Variants in ADCY7 observed in about 807,000 individuals in gnomAD.
ADCY7 encodes adenylate cyclase type 7.
ADCY7 carries 72 observed loss-of-function variants against 120.6 expected under a neutral mutation model. That is an observed-to-expected ratio of 0.60 (90% confidence interval 0.49 to 0.73). The LOEUF (loss-of-function observed/expected upper bound fraction) is 0.73, where lower values mean the gene tolerates loss of function less well. Ranked by LOEUF, ADCY7 falls within the 30% of genes least tolerant of loss-of-function variation. The pLI is 0.00. For missense variants in ADCY7, 1,227 were observed against 1,486.0 expected, an observed-to-expected ratio of 0.83 and a Z score of 2.87; for synonymous variants, 661 against 628.0, an observed-to-expected ratio of 1.05 and a Z score of -0.78.
rs1483894697 is a variant in ADCY7 at position 50,297,301 on chromosome 16, C to A, written c.949-1603C>A. ...TACAAGTCACACCTCCGCACAAGACCCAGCTCCCCAACTCCAAGTGTCAGA... is the reference window on the plus strand; with the variant it reads ...TACAAGTCACACCTCCGCACAAGACACAGCTCCCCAACTCCAAGTGTCAGA... On this transcript the variant is annotated intron_variant, in intron 7 of 25. Transcript: ENST00000673801. This position sits in a 1 kb window ranked among gnomAD's most constrained non-coding sequence, Gnocchi z 4.4. Among the ~76,000 whole-genome samples the A allele has an allele frequency of 5.9e-5, 9 of 152,244 alleles. No homozygotes were observed. Among genetic ancestry groups the A allele is most frequent in the Admixed American group, 5.9e-4 (9 of 15,282 alleles).
chr16:50,263,611 G>A (rs911123241), upstream of ADCY7, among the ~76,000 whole-genome samples: 1 of 152,038 alleles, frequency 6.6e-6, no homozygotes, highest in African/African-American at 2.4e-5. Flanking sequence ...AAAGCCCAGG[G>A]CCCCATAAGC....
At position 50,304,513 on chromosome 16, in the gene ADCY7, A is replaced by C. The variant is rs536711873; in HGVS notation, c.1522A>C (p.Ser508Arg). 1 of 1,591,730 alleles carries C rather than the reference A, an allele frequency of 6.3e-7. No individual in the cohort carries two copies. The highest frequency in any genetic ancestry group is 2.2e-5 in the East Asian group (1 of 44,530). The change falls in exon 11 of 26, where the codon AGT (serine) becomes CGT (arginine). Residue 508 changes from serine to arginine, a missense_variant. Ser to Arg is a moderately radical substitution (Grantham distance 110). Transcript: ENST00000673801. ...AHLNHRESVS[S>R]GETHVPNGRR... ...TCTCAACCACCGTGAGAGCGTGAGCAGTGGTGAGACCCACGTCCCCAACGG... is the reference window on the plus strand; with the variant it reads ...TCTCAACCACCGTGAGAGCGTGAGCCGTGGTGAGACCCACGTCCCCAACGG...
chr16:50,314,423 G>C lies in ADCY7; in HGVS notation c.2971+17G>C, dbSNP rs547383256. 3 of 1,605,358 alleles carry C rather than the reference G, an allele frequency of 1.9e-6. No homozygotes were observed. The highest frequency in any genetic ancestry group is 2.6e-6 in the Non-Finnish European group (3 of 1,174,778). On this transcript the variant is annotated intron_variant, in intron 24 of 25. Coordinates refer to ENST00000673801, the MANE Select transcript of ADCY7 (RefSeq NM_001114.5). ...TCCGCGTCGGTGAGCCCGGGTGATGGAGCGGGGTGGGGAGCCCCTGCCTCT... is the reference window on the plus strand; with the variant it reads ...TCCGCGTCGGTGAGCCCGGGTGATGCAGCGGGGTGGGGAGCCCCTGCCTCT...
intron 5 of ADCY7, 57 bp from the exon 6 acceptor site, chr16:50,293,297 G>C: frequency 1.9e-6 from 3 of 1,587,470 alleles, no homozygotes; most frequent in Non-Finnish European, 2.6e-6. Context: ...GTCCCCCGCT[G>C]GTCCCTCCGC....
chr16:50,314,987 T>C, intron 24 of ADCY7, 27 bp from the exon 25 acceptor site: 2 of 1,613,512 alleles, frequency 1.2e-6, no homozygotes, highest in Non-Finnish European at 1.7e-6. Context: ...GCCTGCACGC[T>C]TGGGTAACTG....
chr16:50,306,377 G>A (rs1284242792), intron 14 of ADCY7, among the ~76,000 whole-genome samples: 1 of 152,230 alleles, frequency 6.6e-6, no homozygotes, highest in Non-Finnish European at 1.5e-5. Context: ...GGCTCTCAGA[G>A]GCTTCAGAGC....
intron 1 of ADCY7, among the ~76,000 whole-genome samples, chr16:50,272,656 T>C (rs1168972413): frequency 1.3e-5 from 2 of 152,142 alleles, no homozygotes; most frequent in African/African-American, 4.8e-5. Context: ...GGGCCAGTCT[T>C]GTGGGCTTGT....
intron 5 of ADCY7, 88 bp from the exon 6 acceptor site, chr16:50,293,266 G>A (rs1320708403): frequency 3.4e-6 from 5 of 1,482,840 alleles, no homozygotes; most frequent in Non-Finnish European, 4.6e-6. Flanking sequence ...GCCAGGTCTG[G>A]GACCTGATGC....
upstream of ADCY7, among the ~76,000 whole-genome samples, chr16:50,264,383 T>G (rs553376458): frequency 6.4e-4 from 98 of 152,366 alleles, 1 homozygote; most frequent in African/African-American, 2.2e-3. Flanking sequence ...TTGCAGGATG[T>G]TTGGGTTTGC....
chr16:50,309,914 C>T (rs372345934), intron 18 of ADCY7, among the ~76,000 whole-genome samples: 13 of 152,088 alleles, frequency 8.5e-5, no homozygotes, highest in African/African-American at 2.9e-4. Flanking sequence ...TGGCCTTGTG[C>T]GGGTCTCTGG....
intron 1 of ADCY7, among the ~76,000 whole-genome samples, chr16:50,285,063 T>C (rs1212254724): frequency 1.3e-5 from 2 of 152,250 alleles, no homozygotes; most frequent in Non-Finnish European, 2.9e-5. Flanking sequence ...ATGCCTCTTG[T>C]GGAATACAGA....
Position 50,314,292 on chromosome 16 carries a change from G to A in ADCY7, c.2857G>A (p.Glu953Lys). The change falls in exon 24 of 26, where the codon GAG becomes AAG. Residue 953 changes from glutamate to lysine, a missense_variant and splice_region_variant. By Grantham distance (56) the Glu-to-Lys change is moderately conservative. Around this residue, in one of 5 missense-constraint regions of ADCY7, gnomAD observed 244 missense variants for 332.8 expected, o/e 0.73. Transcript: ENST00000673801. ...ATCTGACCCACAGCCTGTCCCGCAG[G>A]AGCTGGAGCGGCAGCATGCCCACAT... The part of the protein sequence containing the change: ...LSVASGHENQ[E>K]LERQHAHIGV... The A allele has an allele frequency of 6.2e-7, 1 of 1,613,824 alleles. No homozygotes were observed. Among genetic ancestry groups the A allele is most frequent in the Non-Finnish European group, 8.5e-7 (1 of 1,179,790 alleles).
At chr16:50,292,568 AGG>A (rs1337761833) in intron 4 of ADCY7, 106 bp from the exon 5 acceptor site, 1 of 1,376,688 alleles carries the variant, frequency 7.3e-7, no homozygotes, top group East Asian at 2.3e-5. Flanking sequence ...AGTGGGTTGA[AGG>A]TCAGGGAATG....
intron 3 of ADCY7, 58 bp downstream of exon 3, chr16:50,290,718 G>A (rs1479427628): frequency 1.9e-6 from 3 of 1,564,588 alleles, no homozygotes; most frequent in South Asian, 1.2e-5. Flanking sequence ...CATCCCCGTG[G>A]TTGGTGGGCA....
rs140555037 is a variant in ADCY7 at position 50,312,041 on chromosome 16, C to T, written c.2454C>T (p.Asp818=). Residue 818 remains aspartate, a synonymous_variant, in exon 21 of 26, where the codon GAC becomes GAT. Coordinates refer to ENST00000673801, the MANE Select transcript of ADCY7 (RefSeq NM_001114.5). ...ITLLTLSRQI[D]YYCRLDCLWK... The stretch of plus-strand genomic sequence containing the variant: ...TATGTTGCTGCCGTTTGCAGATTGA[C>T]TATTACTGCCGCTTGGACTGCCTAT... The T allele has an allele frequency of 3.0e-5, 49 of 1,614,230 alleles. 2 individuals are homozygous for T. The African/African-American group carries it at 6.4e-4, about 21-fold the overall frequency.
intron 1 of ADCY7, among the ~76,000 whole-genome samples, chr16:50,256,431 G>A (rs1188406227): frequency 6.6e-6 from 1 of 152,180 alleles, no homozygotes; most frequent in Admixed American, 6.5e-5. Context: ...AGCCAGGCGT[G>A]GTGGCTCACG....
intron 3 of ADCY7, 62 bp downstream of exon 3, chr16:50,290,722 G>A: frequency 6.4e-7 from 1 of 1,555,076 alleles, no homozygotes; most frequent in Non-Finnish European, 8.7e-7. Context: ...CCCGTGGTTG[G>A]TGGGCATGCC....
At chr16:50,310,910 C>T in intron 19 of ADCY7, 30 bp downstream of exon 19, 1 of 1,541,652 alleles carries the variant, frequency 6.5e-7, no homozygotes, top group Non-Finnish European at 8.7e-7. Context: ...CGTCCCCATC[C>T]CCATGGTGGC....
rs753210087 is a variant in ADCY7 at position 50,308,795 on chromosome 16, G to A, written c.2061+3G>A. The A allele has an allele frequency of 2.5e-6, 4 of 1,604,014 alleles. No homozygotes were observed. The Admixed American group carries it at 5.1e-5, about 20-fold the overall frequency. ...TCACTGTGGCCATCATCAACCTGGTGGGTCCCGTGGTGGGGAGGCAGGCCT... is the reference window on the plus strand; with the variant it reads ...TCACTGTGGCCATCATCAACCTGGTAGGTCCCGTGGTGGGGAGGCAGGCCT... On this transcript the variant is annotated splice_donor_region_variant and intron_variant, in intron 17 of 25. Transcript: ENST00000673801.
Sources: allele counts gnomAD v4.1 joint callset (sites outside exome capture counted in the v4.1 genomes callset), GRCh38; gene constraint gnomAD v4.1.1; regional missense constraint gnomAD v4.1.1; non-coding constraint Gnocchi (gnomAD v3.1); transcripts MANE v1.5; gene names NCBI Gene and HGNC (gene_info 2026-07-23, HGNC 2026-07-21).